The following SRSF9 variants were observed in gnomAD, a reference collection of about 807,000 sequenced individuals.
SRSF9 encodes serine/arginine-rich splicing factor 9.
A neutral mutation model predicts 25.9 loss-of-function variants in SRSF9; 3 were observed. That is an observed-to-expected ratio of 0.12 (90% CI 0.05 to 0.30). The LOEUF is 0.30. Ranked by LOEUF, SRSF9 falls within the 10% of genes least tolerant of loss-of-function variation. The pLI, the probability that SRSF9 is intolerant of heterozygous loss-of-function variation, is 1.00. For missense variants in SRSF9, 161 were observed against 303.5 expected (o/e 0.53, Z 3.49); for synonymous variants, 114 against 113.2 (o/e 1.01, Z -0.05).
At chr12:120,466,723 G>A (rs1407773210) in intron 1 of SRSF9, among the ~76,000 whole-genome samples, 1 of 151,994 alleles carries the variant, frequency 6.6e-6, no homozygotes, top group Non-Finnish European at 1.5e-5. Context: ...TTTTTGTAGA[G>A]ACAGGTCTCC....
rs1339292774 is a variant in SRSF9, at chr12:120,465,688, C to A, written c.288G>T (p.Trp96Cys). 1.2e-6 allele frequency: 2 copies of A among 1,602,390 alleles called. No homozygotes were observed. The highest frequency in any genetic ancestry group is 1.7e-6 in the Non-Finnish European group (2 of 1,176,284). The change falls in exon 2 of 4, where the codon TGG (tryptophan) becomes TGT (cysteine). Residue 96 changes from tryptophan (W) to cysteine (C), a missense_variant. This residue lies in a region of SRSF9 where 99 missense variants were observed against 156.7 expected (regional missense o/e 0.63). Coordinates refer to ENST00000229390, the MANE Select transcript of SRSF9 (RefSeq NM_003769.3). ...FPRTYGGRGG[W>C]PRGGRNGPPT... ...GAGGCCCATTCCTCCCACCACGGGG[C>A]CACCCACCCCGACCTCCATAAGTCC...
chr12:120,462,307 T>C, intron 3 of SRSF9, 145 bp from the exon 4 acceptor site: 2 of 769,532 alleles, frequency 2.6e-6, no homozygotes, highest in Non-Finnish European at 4.0e-6. Flanking sequence ...TCATTAAACC[T>C]TCATAACATT....
In SRSF9 at chr12:120,464,514, G is replaced by T. The variant is rs182468251; in HGVS notation, c.350-392C>A. ...TACCAATTATTTATTGCTTGACAGG[G>T]TTTCACAGGACATGGGAATTTTGAA... On this transcript the variant is annotated intron_variant, in intron 2 of 3. Coordinates refer to ENST00000229390, the MANE Select transcript of SRSF9 (RefSeq NM_003769.3). 30 of 158,040 alleles carry T rather than the reference G, an allele frequency of 1.9e-4. 1 individual carries two copies. In the East Asian group the frequency reaches 2.4e-3, roughly 13 times the overall value. 9.8% of individuals were successfully genotyped at this position (158,040 alleles called of 1,614,324 possible).
chr12:120,466,409 T>TCATGA, intron 1 of SRSF9, among the ~76,000 whole-genome samples: 1 of 152,290 alleles, frequency 6.6e-6, no homozygotes, highest in East Asian at 1.9e-4. Flanking sequence ...ATAAAGTAGC[T>TCATGA]GGGCATGATG....
chr12:120,467,259 A>G (rs1878501345), intron 1 of SRSF9, among the ~76,000 whole-genome samples: 1 of 152,178 alleles, frequency 6.6e-6, no homozygotes, highest in South Asian at 2.1e-4. Context: ...CTGTAATCCC[A>G]GCACTTTGGG....
At chr12:120,469,199 T>C (rs559757530) in intron 1 of SRSF9, among the ~76,000 whole-genome samples, 4 of 151,890 alleles carry the variant, frequency 2.6e-5, no homozygotes, top group African/African-American at 4.8e-5. Context: ...AAGTAAAATA[T>C]TGGAATAATA....
At chr12:120,464,388 A>G (rs1159457122) in intron 2 of SRSF9, 1 of 326,820 alleles carries the variant, frequency 3.1e-6, no homozygotes, top group Non-Finnish European at 5.6e-6. Context: ...TTACAGGTTT[A>G]GTATCTTTGA....
In SRSF9 at chr12:120,469,344, G is replaced by GGCCGGGGGGAGGGGAA. The variant is rs1565918297; in HGVS notation, c.188+77_188+78insTTCCCCTCCCCCCGGC. 10 of 1,049,044 alleles carry GGCCGGGGGGAGGGGAA rather than the reference G, an allele frequency of 9.5e-6. No homozygotes were observed. In the South Asian group the frequency reaches 1.0e-4, roughly 11 times the overall value. 65.0% of individuals were successfully genotyped at this position (1,049,044 alleles called of 1,614,324 possible). ...GGGAGGGGAGGCCGGGGGGAGGGGA[G>GGCCGGGGGGAGGGGAA]CCCTGGGGGAGGGGACAGCAGGGAA... On this transcript the variant is annotated intron_variant, in intron 1 of 3. Transcript: ENST00000229390.
intron 1 of SRSF9, among the ~76,000 whole-genome samples, chr12:120,468,231 C>G (rs680795): frequency 0.73 from 110,192 of 151,318 alleles, 41,292 homozygotes; most frequent in African/African-American, 0.91. Flanking sequence ...TCAGGAGTTC[C>G]AGACCAGCCT....
In SRSF9 at chr12:120,465,851, C is replaced by T. The variant is rs564915965; in HGVS notation, c.189-64G>A. 8.2e-5 allele frequency: 123 copies of T among 1,492,860 alleles called. 2 individuals carry two copies. The South Asian group carries it at 1.6e-3, about 20-fold the overall frequency. 92.5% of individuals were successfully genotyped at this position (1,492,860 alleles called of 1,614,324 possible). On this transcript the variant is annotated intron_variant, in intron 1 of 3. Transcript: ENST00000229390. ...TAGTGCTGTTCAGGAGGCCAAGTGA[C>T]TTTCCAAGTGAGGGGCATGAGTAGT... is the stretch of plus-strand genomic sequence containing the variant.
At chr12:120,464,928 T>C (rs955293091) in intron 2 of SRSF9, 3 of 152,164 alleles carry the variant, frequency 2.0e-5, no homozygotes, top group Non-Finnish European at 2.9e-5. Context: ...GGACACAAGA[T>C]AGGCAGATAC....
At chr12:120,469,099 C>T (rs1210195727) in intron 1 of SRSF9, among the ~76,000 whole-genome samples, 5 of 152,138 alleles carry the variant, frequency 3.3e-5, no homozygotes, top group African/African-American at 7.2e-5. Flanking sequence ...CGGTGCTGCC[C>T]CAGGCAGGAG....
chr12:120,463,504 G>T (rs190798152), intron 3 of SRSF9: 1 of 153,352 alleles, frequency 6.5e-6, no homozygotes, highest in African/African-American at 2.4e-5. Flanking sequence ...GGAAAAAAGT[G>T]AAGTGACAGC....
intron 1 of SRSF9, among the ~76,000 whole-genome samples, chr12:120,467,875 A>C (rs189090804): frequency 6.8e-6 from 1 of 146,642 alleles, no homozygotes; most frequent in African/African-American, 2.5e-5. Context: ...TGGGTGGATC[A>C]CTTGAGGTTA....
chr12:120,466,063 G>GA (rs1300095908), intron 1 of SRSF9, among the ~76,000 whole-genome samples: 5 of 151,840 alleles, frequency 3.3e-5, no homozygotes, highest in African/African-American at 7.3e-5. Flanking sequence ...CTAATTCAGA[G>GA]AAAAAAAAGA....
At position 120,469,644 on chromosome 12, in the gene SRSF9, C is replaced by G; in HGVS notation, c.-35G>C. The G allele has an allele frequency of 8.0e-7, 1 of 1,250,658 alleles. No homozygotes were observed. The highest frequency in any genetic ancestry group is 1.0e-6 in the Non-Finnish European group (1 of 996,010). 77.5% of individuals were successfully genotyped at this position (1,250,658 alleles called of 1,614,324 possible). ...CCGACGCCGCGGGCCCGCCGCAGCC[C>G]ACGTCGCCGCCGCCGCCTCAGCACG... is the stretch of plus-strand genomic sequence containing the variant. On this transcript the variant is annotated 5_prime_UTR_variant, in exon 1 of 4. Coordinates refer to ENST00000229390, the MANE Select transcript of SRSF9 (RefSeq NM_003769.3).
intron 3 of SRSF9, 123 bp from the exon 4 acceptor site, chr12:120,462,285 C>A (rs1183310707): frequency 1.9e-6 from 2 of 1,026,120 alleles, no homozygotes; most frequent in African/African-American, 1.6e-5. Flanking sequence ...CTGTGCCTGG[C>A]ATGAGGCTAT....
At chr12:120,463,392 A>ACT (rs5801384) in intron 3 of SRSF9, 111,013 of 151,946 alleles carry the variant, frequency 0.73, 41,754 homozygotes, top group African/African-American at 0.92. Flanking sequence ...ATATAATGAG[A>ACT]CTGTCTCTAA....
intron 2 of SRSF9, 79 bp downstream of exon 2, chr12:120,465,548 C>T: frequency 6.9e-7 from 1 of 1,457,598 alleles, no homozygotes; most frequent in Admixed American, 2.9e-5. Context: ...TGAAGAATAA[C>T]AGCTATCATT....
Sources: gnomAD v4.1 joint callset for allele counts (sites outside exome capture counted in the v4.1 genomes callset) on GRCh38, gnomAD v4.1.1 for gene constraint, gnomAD v4.1.1 regional missense constraint, MANE v1.5 for transcripts, NCBI Gene and HGNC (gene_info 2026-07-23, HGNC 2026-07-21) for gene names.